GPHN: variants seen among roughly 807,000 people sequenced by gnomAD.
GPHN encodes gephyrin.
A neutral mutation model predicts 95.5 loss-of-function variants in GPHN; 17 were observed. The ratio of observed to expected loss-of-function variants is 0.18; its 90% CI spans 0.12 to 0.27. The LOEUF (loss-of-function observed/expected upper bound fraction) is 0.27. GPHN is among the 10% of genes least tolerant of loss of function. The pLI, the probability that GPHN is intolerant of heterozygous loss-of-function variation, is 1.00. For synonymous variants in GPHN, 320 were observed against 322.5 expected, an observed-to-expected ratio of 0.99 and a Z score of 0.08; for missense variants, 660 against 978.1, an observed-to-expected ratio of 0.67 and a Z score of 4.34.
intron 2 of GPHN, among the ~76,000 whole-genome samples, chr14:66,728,623 G>C (rs1414441971): frequency 1.3e-5 from 2 of 152,188 alleles, no homozygotes; most frequent in Non-Finnish European, 2.9e-5. Flanking sequence ...ACTTGCGTGG[G>C]GGCTTTAGCC....
the GPHN span, chr14:67,199,730 G>C: frequency 6.3e-7 from 1 of 1,576,692 alleles, no homozygotes; most frequent in East Asian, 2.2e-5. Flanking sequence ...CCCCAATCCT[G>C]TGGTATCATC....
At chr14:67,472,707 T>C in the GPHN span, 9 of 152,472 alleles carry the variant, frequency 5.9e-5, no homozygotes, top group East Asian at 1.7e-3. Flanking sequence ...GAGCCGCTAG[T>C]GGTAAAGGCT....
intron 2 of GPHN, among the ~76,000 whole-genome samples, chr14:66,726,971 C>T (rs1218998944): frequency 6.6e-6 from 1 of 152,172 alleles, no homozygotes. Flanking sequence ...TATGATTTGG[C>T]TGTGTCCCCC....
the GPHN span, among the ~76,000 whole-genome samples, chr14:67,255,262 G>A: frequency 2.0e-5 from 3 of 152,198 alleles, no homozygotes; most frequent in African/African-American, 7.2e-5. Flanking sequence ...TCTGCATGGA[G>A]TACATTGAGA....
At chr14:66,687,677 C>G (rs2067482230) in intron 2 of GPHN, among the ~76,000 whole-genome samples, 1 of 151,860 alleles carries the variant, frequency 6.6e-6, no homozygotes, top group Non-Finnish European at 1.5e-5. Context: ...TTAGTAGAGA[C>G]AGGGTTTCTC....
chr14:67,379,875 C>T, the GPHN span, among the ~76,000 whole-genome samples: 1 of 151,766 alleles, frequency 6.6e-6, no homozygotes, highest in African/African-American at 2.4e-5. Context: ...GGGATGGTCT[C>T]GATCTCCTGA....
the GPHN span, chr14:67,359,951 T>C: frequency 2.9e-5 from 16 of 555,632 alleles, no homozygotes; most frequent in Non-Finnish European, 4.1e-5. Flanking sequence ...CACCCCTCAA[T>C]TCCGGTTCGC....
At chr14:67,427,482 C>A in the GPHN span, among the ~76,000 whole-genome samples, 3 of 152,158 alleles carry the variant, frequency 2.0e-5, no homozygotes, top group Non-Finnish European at 4.4e-5. Context: ...CAGGGGCTTC[C>A]GTCGTTGTTC....
chr14:67,103,294 G>A (rs2077829670), intron 13 of GPHN, among the ~76,000 whole-genome samples: 1 of 152,078 alleles, frequency 6.6e-6, no homozygotes, highest in Non-Finnish European at 1.5e-5. Context: ...CTGACAGTGG[G>A]AAGCCTCCAG....
At chr14:66,644,438 A>G (rs2064616669) in intron 1 of GPHN, among the ~76,000 whole-genome samples, 1 of 152,040 alleles carries the variant, frequency 6.6e-6, no homozygotes, top group Non-Finnish European at 1.5e-5. Context: ...TATGCCACCC[A>G]CTACCAAAGA....
chr14:66,660,975 T>TCA (rs1206430807), intron 1 of GPHN, among the ~76,000 whole-genome samples: 18 of 152,312 alleles, frequency 1.2e-4, no homozygotes, highest in African/African-American at 4.3e-4. Flanking sequence ...GCCTTCGGTC[T>TCA]GACACACAGA....
intron 9 of GPHN, among the ~76,000 whole-genome samples, chr14:66,966,061 A>C (rs2069304502): frequency 6.6e-6 from 1 of 152,126 alleles, no homozygotes; most frequent in Non-Finnish European, 1.5e-5. Context: ...CAAGTTCTCT[A>C]TGTGATGGAT....
At chr14:67,439,555 TTC>T in the GPHN span, among the ~76,000 whole-genome samples, 1 of 72,278 alleles carries the variant, frequency 1.4e-5, no homozygotes, top group Non-Finnish European at 2.7e-5. Context: ...CTTTCTTTCT[TTC>T]TTTCTTTCTT....
chr14:67,620,010 C>A, the GPHN span: 1 of 1,610,120 alleles, frequency 6.2e-7, no homozygotes, highest in African/African-American at 1.3e-5. Flanking sequence ...CGCGTCTCCT[C>A]CAGACGCGAG....
At chr14:66,947,870 G>T (rs964865730) in intron 8 of GPHN, among the ~76,000 whole-genome samples, 5 of 152,142 alleles carry the variant, frequency 3.3e-5, no homozygotes, top group African/African-American at 9.7e-5. Flanking sequence ...TGGGAGAATT[G>T]TGTGAGCCCA....
chr14:67,517,382 G>A, the GPHN span, among the ~76,000 whole-genome samples: 20 of 152,324 alleles, frequency 1.3e-4, no homozygotes, highest in Middle Eastern at 3.4e-3. Flanking sequence ...CATGAGGCAC[G>A]GTAGGCGCCG....
At chr14:67,033,238 A>G (rs1784772796) in intron 10 of GPHN, among the ~76,000 whole-genome samples, 1 of 152,098 alleles carries the variant, frequency 6.6e-6, no homozygotes, top group South Asian at 2.1e-4. Flanking sequence ...GAGGAGCAAA[A>G]AGAAAAAAAA....
the GPHN span, chr14:67,574,370 C>T: frequency 1.9e-6 from 3 of 1,588,702 alleles, no homozygotes; most frequent in South Asian, 1.1e-5. The surrounding 1 kb of genome is among the most constrained non-coding windows in gnomAD (Gnocchi z 4.2). Flanking sequence ...TTCGGGGTGG[C>T]ACCAAGCCCA....
At chr14:67,441,250 G>A in the GPHN span, among the ~76,000 whole-genome samples, 2 of 152,194 alleles carry the variant, frequency 1.3e-5, no homozygotes, top group African/African-American at 2.4e-5. Flanking sequence ...TCCAGGTCCT[G>A]TGAGGCAAAT....
Sources: allele counts gnomAD v4.1 joint callset (sites outside exome capture counted in the v4.1 genomes callset), GRCh38; gene constraint gnomAD v4.1.1; non-coding constraint Gnocchi (gnomAD v3.1); transcripts MANE v1.5; gene names NCBI Gene and HGNC (gene_info 2026-07-23, HGNC 2026-07-21).